ACAD11: variants seen among roughly 807,000 people sequenced by gnomAD.
ACAD11 encodes the protein acyl-Coenzyme A dehydrogenase family, member 11.
In ACAD11, 83 loss-of-function variants were observed where a neutral mutation model predicts 102.2. That is an observed-to-expected ratio of 0.81 (90% CI 0.68 to 0.97). ACAD11 has a LOEUF of 0.97. Among genes scored for constraint, ACAD11 ranks in the 50% least tolerant of loss-of-function variants. The probability of loss-of-function intolerance (pLI) is 0.00; values close to 1 mark genes in which losing one functional copy is unlikely to be tolerated. For synonymous variants in ACAD11, 324 were observed against 319.8 expected (o/e 1.01, Z -0.14); for missense variants, 901 against 951.7 (o/e 0.95, Z 0.70).
At chr3:132,586,148 A>G (rs1311554373) in intron 13 of ACAD11, among the ~76,000 whole-genome samples, 1 of 152,236 alleles carries the variant, frequency 6.6e-6, no homozygotes, top group East Asian at 1.9e-4. Context: ...ACACCATGGA[A>G]TAGTACACAG....
intron 9 of ACAD11, among the ~76,000 whole-genome samples, chr3:132,623,449 G>A (rs1402680027): frequency 6.6e-6 from 1 of 151,654 alleles, no homozygotes; most frequent in Non-Finnish European, 1.5e-5. Flanking sequence ...GTTACACAGA[G>A]ATTTGTATTG....
At chr3:132,613,397 A>G (rs929198601) in intron 11 of ACAD11, among the ~76,000 whole-genome samples, 2 of 137,352 alleles carry the variant, frequency 1.5e-5, no homozygotes, top group Middle Eastern at 3.6e-3. Flanking sequence ...ATAACTAAAT[A>G]AAAATAATAT....
At chr3:132,593,738 C>T (rs1281454779) in intron 13 of ACAD11, among the ~76,000 whole-genome samples, 5 of 151,998 alleles carry the variant, frequency 3.3e-5, no homozygotes, top group African/African-American at 1.2e-4. Flanking sequence ...AATGACAGTA[C>T]AAGAGGAGGG....
At chr3:132,578,969 T>C (rs1937560929) in intron 14 of ACAD11, 88 bp from the exon 15 acceptor site, 1 of 1,573,614 alleles carries the variant, frequency 6.4e-7, no homozygotes, top group Non-Finnish European at 8.6e-7. Context: ...GTCTTTTTGA[T>C]GTTTTCATGT....
intron 13 of ACAD11, among the ~76,000 whole-genome samples, chr3:132,598,736 C>G (rs1267417457): frequency 6.6e-6 from 1 of 152,184 alleles, no homozygotes; most frequent in African/African-American, 2.4e-5. Flanking sequence ...TGGGTGCCAG[C>G]CCACTGCTGA....
intron 4 of ACAD11, 76 bp from the exon 5 acceptor site, chr3:132,639,732 A>C: frequency 7.2e-7 from 1 of 1,384,188 alleles, no homozygotes; most frequent in Admixed American, 2.3e-5. Flanking sequence ...AATTAAAACA[A>C]AATTCAAATG....
intron 13 of ACAD11, among the ~76,000 whole-genome samples, chr3:132,602,679 C>CA (rs1204000296): frequency 6.6e-6 from 1 of 152,080 alleles, no homozygotes; most frequent in East Asian, 1.9e-4. Flanking sequence ...TCTAAAACTA[C>CA]AAAAAATGAC....
chr3:132,610,086 T>A (rs1338260261), intron 11 of ACAD11, among the ~76,000 whole-genome samples: 1 of 152,078 alleles, frequency 6.6e-6, no homozygotes, highest in Non-Finnish European at 1.5e-5. Context: ...CACCCCTTCA[T>A]GCAAAAACTC....
chr3:132,603,236 C>A lies in ACAD11; in HGVS notation c.1614G>T (p.Trp538Cys). 6.2e-7 allele frequency: 1 copy of A among 1,613,874 alleles called. No homozygotes were observed. The highest frequency in any genetic ancestry group is 1.1e-5 in the South Asian group (1 of 91,062). ...ATTAGGCTGAACACTCACCACTGCT[C>A]CACCATTTTTTGCCGTTAATTACAT... ...DSYVINGKKW[W>C]SSGAGNPKCK... Residue 538 changes from tryptophan (W) to cysteine (C), a missense_variant, in exon 13 of 20, where the codon TGG becomes TGT. Coordinates refer to ENST00000264990, the MANE Select transcript of ACAD11 (RefSeq NM_032169.5).
intron 9 of ACAD11, among the ~76,000 whole-genome samples, chr3:132,622,326 C>G (rs1055669718): frequency 6.6e-6 from 1 of 152,154 alleles, no homozygotes; most frequent in Non-Finnish European, 1.5e-5. Flanking sequence ...CCAGGATGAA[C>G]AGCCCTTCTC....
chr3:132,625,043 T>C (rs1939760465), intron 9 of ACAD11, among the ~76,000 whole-genome samples: 1 of 152,162 alleles, frequency 6.6e-6, no homozygotes, highest in East Asian at 1.9e-4. Context: ...ACCATTGCTA[T>C]AACAGGTTAT....
chr3:132,594,195 A>G (rs984619944), intron 13 of ACAD11, among the ~76,000 whole-genome samples: 1 of 152,186 alleles, frequency 6.6e-6, no homozygotes, highest in African/African-American at 2.4e-5. Context: ...TAGCAAAAAC[A>G]ATGTGTAAAT....
intron 6 of ACAD11, among the ~76,000 whole-genome samples, chr3:132,631,063 C>G (rs1940019689): frequency 6.6e-6 from 1 of 151,944 alleles, no homozygotes; most frequent in Non-Finnish European, 1.5e-5. Context: ...AGAGCAAGAC[C>G]TTGCATCTAA....
At chr3:132,643,163 T>G (rs111441430) in intron 2 of ACAD11, among the ~76,000 whole-genome samples, 1 of 152,268 alleles carries the variant, frequency 6.6e-6, no homozygotes, top group African/African-American at 2.4e-5. Flanking sequence ...GCTCGCTCTT[T>G]CATGTCTTCC....
Position 132,600,295 on chromosome 3 carries a change from T to C in ACAD11, c.1621+2934A>G, listed in dbSNP as rs565084078. 9 of 1,063,978 alleles carry C rather than the reference T, an allele frequency of 8.5e-6. No individual in the cohort carries two copies. In the Admixed American group the frequency reaches 8.6e-5, roughly 10 times the overall value. 65.9% of individuals were successfully genotyped at this position (1,063,978 alleles called of 1,614,324 possible). On this transcript the variant is annotated intron_variant, in intron 13 of 19. Coordinates refer to ENST00000264990, the MANE Select transcript of ACAD11 (RefSeq NM_032169.5). ...TCACATATGTTACAGCAACAGGCTATACTCTAGGGAAAGAACAAAACAGCT... is the reference window on the plus strand; with the variant it reads ...TCACATATGTTACAGCAACAGGCTACACTCTAGGGAAAGAACAAAACAGCT...
chr3:132,634,198 C>T (rs1940174280), intron 5 of ACAD11, among the ~76,000 whole-genome samples: 1 of 152,086 alleles, frequency 6.6e-6, no homozygotes, highest in East Asian at 1.9e-4. Context: ...TGAACTCAAA[C>T]AAATTTACAA....
At position 132,651,948 on chromosome 3, in the gene ACAD11, C is replaced by T. The variant is rs149695844; in HGVS notation, c.150-7052G>A. ...ACCTTGTCTCAGATGAGACTTTGGACGGTGGACTTTTGAGTTAATGCTGAA... is the reference window on the plus strand; with the variant it reads ...ACCTTGTCTCAGATGAGACTTTGGATGGTGGACTTTTGAGTTAATGCTGAA... On this transcript the variant is annotated intron_variant, in intron 1 of 19. Coordinates refer to ENST00000264990, the MANE Select transcript of ACAD11 (RefSeq NM_032169.5). Among the ~76,000 whole-genome samples the T allele has an allele frequency of 9.2e-3, 1,406 of 152,202 alleles. 8 individuals carry two copies. The highest frequency in any genetic ancestry group is 0.016 in the Non-Finnish European group (1,071 of 68,022).
intron 11 of ACAD11, chr3:132,618,102 A>G (rs1365008687): frequency 6.6e-6 from 1 of 152,102 alleles, no homozygotes; most frequent in Non-Finnish European, 1.5e-5. Context: ...CGTAAGTTTG[A>G]AGTTTACTTA....
At chr3:132,649,171 C>T (rs1376530063) in intron 1 of ACAD11, among the ~76,000 whole-genome samples, 2 of 152,198 alleles carry the variant, frequency 1.3e-5, no homozygotes, top group Non-Finnish European at 2.9e-5. Flanking sequence ...AATATGGCCC[C>T]GTGAGATGGG....
Sources: gnomAD v4.1 joint callset for allele counts (sites outside exome capture counted in the v4.1 genomes callset) on GRCh38, gnomAD v4.1.1 for gene constraint, MANE v1.5 for transcripts, NCBI Gene and HGNC (gene_info 2026-07-23, HGNC 2026-07-21) for gene names.